The following RIN3 variants were observed in gnomAD, a reference collection of about 807,000 sequenced individuals.
The protein encoded by RIN3 is RAB5 interacting protein 3.
Under a neutral mutation model 76.3 loss-of-function variants are expected in RIN3, and 54 were observed. The ratio of observed to expected loss-of-function variants is 0.71; its 90% confidence interval spans 0.57 to 0.89. The LOEUF (loss-of-function observed/expected upper bound fraction) is 0.89, where lower values mean the gene tolerates loss of function less well. Among genes scored for constraint, RIN3 ranks in the 40% least tolerant of loss-of-function variants. The pLI is 0.00. For missense variants in RIN3, 1,256 were observed against 1,322.1 expected, an observed-to-expected ratio of 0.95 and a Z score of 0.78; for synonymous variants, 576 against 564.0, an observed-to-expected ratio of 1.02 and a Z score of -0.30.
At chr14:92,585,388 G>T (rs1379498902) in intron 3 of RIN3, among the ~76,000 whole-genome samples, 1 of 152,176 alleles carries the variant, frequency 6.6e-6, no homozygotes, top group Non-Finnish European at 1.5e-5. Context: ...GATCTCCACT[G>T]CCCAGGAGGA....
In RIN3 at chr14:92,549,436, C is replaced by T. The variant is rs142689127; in HGVS notation, c.45-6315C>T. 1.8e-4 allele frequency among the ~76,000 whole-genome samples: 27 copies of T among 152,304 alleles called. 1 individual carries two copies. The South Asian group carries it at 3.3e-3, about 19-fold the overall frequency. On this transcript the variant is annotated intron_variant, in intron 1 of 9. Transcript: ENST00000216487. ...GAAACTTCTGCGCCTTCCCCCTACC[C>T]CTAATAGGCAGCATCTAGCCAGGGC...
chr14:92,520,719 T>A (rs1896575809), intron 1 of RIN3, among the ~76,000 whole-genome samples: 1 of 152,218 alleles, frequency 6.6e-6, no homozygotes, highest in African/African-American at 2.4e-5. Context: ...TTCACCCATC[T>A]TCACGGACTG....
chr14:92,628,736 G>A (rs1886445768), intron 4 of RIN3, among the ~76,000 whole-genome samples: 1 of 152,194 alleles, frequency 6.6e-6, no homozygotes, highest in African/African-American at 2.4e-5. Context: ...CCTGAAACAT[G>A]CGAGTTTGCT....
intron 2 of RIN3, among the ~76,000 whole-genome samples, chr14:92,570,994 A>G (rs959489263): frequency 4.6e-5 from 7 of 152,234 alleles, no homozygotes; most frequent in African/African-American, 9.6e-5. Context: ...TTCTGGACAT[A>G]GTGAACTGTA....
chr14:92,688,389 C>A lies in RIN3; in HGVS notation c.*137C>A. 2.4e-6 allele frequency: 2 copies of A among 820,520 alleles called. No individual in the cohort carries two copies. Among genetic ancestry groups the A allele is most frequent in the Non-Finnish European group, 3.7e-6 (2 of 542,462 alleles). The allele number at this position is 820,520 out of a possible 1,614,324, so 50.8% of individuals were successfully genotyped here. A position where few individuals can be genotyped will look rare whatever the true frequency, so the allele number is the denominator to read the frequency against. On this transcript the variant is annotated 3_prime_UTR_variant, in exon 10 of 10. Coordinates refer to ENST00000216487, the MANE Select transcript of RIN3 (RefSeq NM_024832.5). ...ACGTGCCCAGGCCAACGTCGCAGGACAGTTGTGAAAATAACATGACGCTCG... is the reference window on the plus strand; with the variant it reads ...ACGTGCCCAGGCCAACGTCGCAGGAAAGTTGTGAAAATAACATGACGCTCG...
In RIN3 at chr14:92,582,442, CT is replaced by C. The variant is rs35072092; in HGVS notation, c.367+4984del. Among the ~76,000 whole-genome samples, 412 of 117,532 alleles carry C rather than the reference CT, an allele frequency of 3.5e-3. 2 individuals are homozygous for C. Among genetic ancestry groups the C allele is most frequent in the African/African-American group, 0.01 (333 of 32,196 alleles). 77.1% of individuals were successfully genotyped at this position (117,532 alleles called of 152,430 possible). On this transcript the variant is annotated intron_variant, in intron 3 of 9. Transcript: ENST00000216487. ...TGTGGTTTTGCTGTTTCCTTTTTTA[CT>C]TTTTTTTTTTTTTTTTTTCCCTGAG...
At chr14:92,608,007 A>G (rs1885589830) in intron 3 of RIN3, among the ~76,000 whole-genome samples, 1 of 152,208 alleles carries the variant, frequency 6.6e-6, no homozygotes, top group African/African-American at 2.4e-5. Context: ...TGTCAGGGCT[A>G]GTGATGGGGA....
intron 4 of RIN3, among the ~76,000 whole-genome samples, chr14:92,620,320 T>C (rs1886126982): frequency 6.6e-6 from 1 of 152,200 alleles, no homozygotes; most frequent in African/African-American, 2.4e-5. Flanking sequence ...ATTAAGAATA[T>C]TCACAAACAG....
At chr14:92,516,712 G>T (rs1186950849) in intron 1 of RIN3, among the ~76,000 whole-genome samples, 1 of 152,042 alleles carries the variant, frequency 6.6e-6, no homozygotes, top group Non-Finnish European at 1.5e-5. Context: ...TGAAGGAGTC[G>T]CAGCACATTT....
chr14:92,653,043 T>C lies in RIN3; in HGVS notation c.1994T>C (p.Val665Ala). ...CAGAGCACCGAGCTCAAGGCCCTGGTGGACCCCGCCCTGCACTCCGAGGAG... is the reference window on the plus strand; with the variant it reads ...CAGAGCACCGAGCTCAAGGCCCTGGCGGACCCCGCCCTGCACTCCGAGGAG... ...LLQSTELKAL[V>A]DPALHSEEEL... Residue 665 changes from valine (V) to alanine (A), a missense_variant, in exon 6 of 10, where the codon GTG (valine) becomes GCG (alanine). Around this residue, in one of 3 missense-constraint regions of RIN3, gnomAD observed 428 missense variants for 521.2 expected, o/e 0.82. Coordinates refer to ENST00000216487, the MANE Select transcript of RIN3 (RefSeq NM_024832.5). 8 of 1,608,066 alleles carry C rather than the reference T, an allele frequency of 5.0e-6. No homozygotes were observed. The highest frequency in any genetic ancestry group is 6.8e-6 in the Non-Finnish European group (8 of 1,179,784).
chr14:92,655,296 C>T (rs564000432), intron 6 of RIN3, among the ~76,000 whole-genome samples: 43 of 152,258 alleles, frequency 2.8e-4, no homozygotes, highest in Admixed American at 2.5e-3. Flanking sequence ...TGCAGTGAGC[C>T]GAGATTGTGC....
At chr14:92,577,886 T>C (rs1898304556) in intron 3 of RIN3, among the ~76,000 whole-genome samples, 1 of 152,162 alleles carries the variant, frequency 6.6e-6, no homozygotes. Flanking sequence ...TTCTCTTCTG[T>C]CAAGTGGACA....
At position 92,651,704 on chromosome 14, in the gene RIN3, T is replaced by C. The variant is rs780661170; in HGVS notation, c.655T>C (p.Cys219Arg). The change falls in exon 6 of 10, where the codon TGT (cysteine) becomes CGT (arginine). Residue 219 changes from cysteine to arginine, a missense_variant. By Grantham distance (180) the Cys-to-Arg change is radical. This residue lies in a region of RIN3 where 610 missense variants were observed against 626.4 expected (regional missense o/e 0.97). Coordinates refer to ENST00000216487, the MANE Select transcript of RIN3 (RefSeq NM_024832.5). ...SLRPTAHDAN[C>R]ACEIELSVGN... The stretch of plus-strand genomic sequence containing the variant: ...CAGGCCCACAGCCCATGACGCAAAC[T>C]GTGCCTGTGAAATCGAGCTGTCGGT... 1.2e-6 allele frequency: 2 copies of C among 1,613,932 alleles called. No individual in the cohort carries two copies. Among genetic ancestry groups the C allele is most frequent in the African/African-American group, 1.3e-5 (1 of 74,880 alleles).
chr14:92,637,404 G>A (rs935613267), intron 4 of RIN3, among the ~76,000 whole-genome samples: 1 of 152,106 alleles, frequency 6.6e-6, no homozygotes, highest in Non-Finnish European at 1.5e-5. Context: ...CTGTATGCGA[G>A]CGATGGGGAG....
At chr14:92,664,794 G>A (rs1026978472) in intron 7 of RIN3, among the ~76,000 whole-genome samples, 8 of 152,150 alleles carry the variant, frequency 5.3e-5, no homozygotes, top group East Asian at 1.9e-4. Context: ...ATGTATGTAT[G>A]TAACATTACA....
chr14:92,564,701 C>T (rs374258536), intron 2 of RIN3, among the ~76,000 whole-genome samples: 1 of 152,148 alleles, frequency 6.6e-6, no homozygotes, highest in African/African-American at 2.4e-5. Flanking sequence ...CAAAGAAAAT[C>T]GAACTCTCAC....
At chr14:92,600,064 G>T (rs927871307) in intron 3 of RIN3, among the ~76,000 whole-genome samples, 1 of 152,160 alleles carries the variant, frequency 6.6e-6, no homozygotes, top group African/African-American at 2.4e-5. Context: ...TGCCTGTGGT[G>T]GATTTAGGGA....
chr14:92,640,920 A>G (rs1477730595), intron 4 of RIN3, among the ~76,000 whole-genome samples: 1 of 151,934 alleles, frequency 6.6e-6, no homozygotes, highest in East Asian at 1.9e-4. Context: ...GGGGTGGGCC[A>G]CTCACTTTAC....
At chr14:92,584,154 G>A (rs1884676421) in intron 3 of RIN3, among the ~76,000 whole-genome samples, 1 of 152,148 alleles carries the variant, frequency 6.6e-6, no homozygotes, top group Admixed American at 6.5e-5. Flanking sequence ...CGGTTTCTGA[G>A]GGGGTGGGGG....
Sources: gnomAD v4.1 joint callset for allele counts (sites outside exome capture counted in the v4.1 genomes callset) on GRCh38, gnomAD v4.1.1 for gene constraint, gnomAD v4.1.1 regional missense constraint, MANE v1.5 for transcripts, NCBI Gene and HGNC (gene_info 2026-07-23, HGNC 2026-07-21) for gene names.